Variants in CNTN4 observed in about 807,000 individuals in gnomAD.
CNTN4 encodes contactin-4.
Under a neutral mutation model 122.5 loss-of-function variants are expected in CNTN4, and 77 were observed. The observed-to-expected ratio is 0.63, with a 90% CI of 0.52 to 0.76. CNTN4 has a LOEUF of 0.76. Among genes scored for constraint, CNTN4 ranks in the 30% least tolerant of loss-of-function variants. The pLI is 0.00. For missense variants in CNTN4, 1,256 were observed against 1,259.1 expected (o/e 1.00, Z 0.04); for synonymous variants, 512 against 447.0 (o/e 1.15, Z -1.83).
intron 13 of CNTN4, among the ~76,000 whole-genome samples, chr3:2,939,772 A>G (rs2094597109): frequency 6.6e-6 from 1 of 152,190 alleles, no homozygotes; most frequent in African/African-American, 2.4e-5. Flanking sequence ...GTAGGTGAAG[A>G]GTTCAGTGTT....
intron 3 of CNTN4, among the ~76,000 whole-genome samples, chr3:2,400,119 C>T (rs998262697): frequency 6.6e-6 from 1 of 151,846 alleles, no homozygotes; most frequent in African/African-American, 2.4e-5. Flanking sequence ...AGGATTTTGA[C>T]ATTCTTCTGC....
At chr3:2,580,664 T>C (rs537560567) in intron 4 of CNTN4, among the ~76,000 whole-genome samples, 23 of 152,324 alleles carry the variant, frequency 1.5e-4, no homozygotes, top group African/African-American at 5.1e-4. Flanking sequence ...ATTTAGTCCT[T>C]GTGAGTCTAT....
chr3:2,244,820 C>T (rs1153512), intron 2 of CNTN4, among the ~76,000 whole-genome samples: 41,230 of 151,704 alleles, frequency 0.27, 5,742 homozygotes, highest in East Asian at 0.44. Context: ...AAACATGTGG[C>T]GATTGCTCAA....
In CNTN4 at chr3:2,729,499, G is replaced by A. The variant is rs534821600; in HGVS notation, c.56-6716G>A. Among the ~76,000 whole-genome samples, 333 of 127,644 alleles carry A rather than the reference G, an allele frequency of 2.6e-3. 2 individuals carry two copies. The highest frequency in any genetic ancestry group is 0.012 in the Middle Eastern group (2 of 166). The allele number at this position is 127,644 out of a possible 152,430, so 83.7% of individuals were successfully genotyped here. On this transcript the variant is annotated intron_variant, in intron 4 of 24. Coordinates refer to ENST00000418658, the MANE Select transcript of CNTN4 (RefSeq NM_175607.3). ...GTGGAGGTTGCAGTGAGCCGAGATC[G>A]TGCCACTGCTCTCCAGCCTGGGCAA...
chr3:2,386,761 T>C (rs2046271186), intron 3 of CNTN4, among the ~76,000 whole-genome samples: 1 of 152,236 alleles, frequency 6.6e-6, no homozygotes, highest in Non-Finnish European at 1.5e-5. Flanking sequence ...ATAAGTCTTT[T>C]AAAATTATTT....
chr3:2,713,571 T>C (rs2087287763), intron 4 of CNTN4, among the ~76,000 whole-genome samples: 1 of 152,198 alleles, frequency 6.6e-6, no homozygotes, highest in South Asian at 2.1e-4. Context: ...GCAGGTCTTA[T>C]GACCTACTTT....
At chr3:2,435,263 C>T (rs1381078332) in intron 3 of CNTN4, among the ~76,000 whole-genome samples, 2 of 152,096 alleles carry the variant, frequency 1.3e-5, no homozygotes, top group South Asian at 4.1e-4. Flanking sequence ...CCTTATATAC[C>T]AACATCCATG....
intron 2 of CNTN4, among the ~76,000 whole-genome samples, chr3:2,116,336 C>T (rs557625203): frequency 6.6e-6 from 1 of 152,238 alleles, no homozygotes; most frequent in East Asian, 1.9e-4. Context: ...TTCCTGTCCT[C>T]AGCTTGGAAG....
At chr3:2,929,278 G>A (rs918219057) in intron 13 of CNTN4, among the ~76,000 whole-genome samples, 5 of 152,156 alleles carry the variant, frequency 3.3e-5, no homozygotes, top group African/African-American at 1.2e-4. Context: ...GAGGAATTAA[G>A]CCTACTAACT....
intron 14 of CNTN4, among the ~76,000 whole-genome samples, chr3:2,989,211 A>AT (rs1479472500): frequency 2.0e-5 from 3 of 152,152 alleles, no homozygotes; most frequent in African/African-American, 7.2e-5. Flanking sequence ...CTGTCATAGG[A>AT]TTTTTGAGTT....
At chr3:2,351,018 G>T (rs1424468466) in intron 3 of CNTN4, among the ~76,000 whole-genome samples, 1 of 152,150 alleles carries the variant, frequency 6.6e-6, no homozygotes, top group East Asian at 1.9e-4. Context: ...TCTGTACAAT[G>T]TACTGGTTCC....
At chr3:2,206,529 T>C (rs2149414284) in intron 2 of CNTN4, among the ~76,000 whole-genome samples, 1 of 152,242 alleles carries the variant, frequency 6.6e-6, no homozygotes, top group Admixed American at 6.6e-5. Context: ...TAAGAAGACA[T>C]ATTTGGTTTT....
chr3:2,610,921 G>A (rs1288242610), intron 4 of CNTN4, among the ~76,000 whole-genome samples: 1 of 151,926 alleles, frequency 6.6e-6, no homozygotes, highest in Non-Finnish European at 1.5e-5. Context: ...ACCTAAAATG[G>A]GTACTTAAAT....
In CNTN4 at chr3:2,124,955, A is replaced by G. The variant is rs2034047936; in HGVS notation, c.-145+24316A>G. ...CTTCCTGCCCCCGCTCCATGTTTTT[A>G]CTGGTAAGATCACTTGACATCTACT... On this transcript the variant is annotated intron_variant, in intron 2 of 24. Transcript: ENST00000418658. Among the ~76,000 whole-genome samples, 5 of 152,302 alleles carry G rather than the reference A, an allele frequency of 3.3e-5. No individual in the cohort carries two copies. The South Asian group carries it at 1.0e-3, about 32-fold the overall frequency.
chr3:2,840,318 G>A (rs950929199), intron 7 of CNTN4, among the ~76,000 whole-genome samples: 1 of 151,996 alleles, frequency 6.6e-6, no homozygotes, highest in Non-Finnish European at 1.5e-5. Flanking sequence ...GTTGTCATAT[G>A]GGAGTATAAA....
At chr3:2,500,449 T>C (rs2148996615) in intron 3 of CNTN4, among the ~76,000 whole-genome samples, 1 of 152,258 alleles carries the variant, frequency 6.6e-6, no homozygotes, top group Non-Finnish European at 1.5e-5. Context: ...TTATTTTTTC[T>C]TAAGTGTTTG....
At chr3:2,436,794 T>G (rs1047653637) in intron 3 of CNTN4, among the ~76,000 whole-genome samples, 1 of 147,350 alleles carries the variant, frequency 6.8e-6, no homozygotes, top group Non-Finnish European at 1.5e-5. Flanking sequence ...ATGTATATAT[T>G]TTCTTCAAAT....
chr3:2,308,766 C>G (rs1263764224), intron 2 of CNTN4, among the ~76,000 whole-genome samples: 8 of 151,638 alleles, frequency 5.3e-5, no homozygotes, highest in Non-Finnish European at 1.2e-4. Flanking sequence ...TGATTTTATT[C>G]CTTTTAAACT....
intron 3 of CNTN4, among the ~76,000 whole-genome samples, chr3:2,517,861 G>A (rs998143601): frequency 6.6e-6 from 1 of 152,138 alleles, no homozygotes. Context: ...GTTCAAACAT[G>A]GTCTCTGGCA....
Sources: gnomAD v4.1 joint callset for allele counts (sites outside exome capture counted in the v4.1 genomes callset) on GRCh38, gnomAD v4.1.1 for gene constraint, MANE v1.5 for transcripts, NCBI Gene and HGNC (gene_info 2026-07-23, HGNC 2026-07-21) for gene names.